The following CX3CL1 variants were observed in gnomAD, a reference collection of about 807,000 sequenced individuals.
The protein encoded by CX3CL1 is C-X3-C motif chemokine ligand 1, also known as fractalkine.
A neutral mutation model predicts 14.1 loss-of-function variants in CX3CL1; 1 was observed. That is an observed-to-expected ratio of 0.07 (90% CI 0.03 to 0.34). The LOEUF (loss-of-function observed/expected upper bound fraction) is 0.34. CX3CL1 is among the 10% of genes least tolerant of loss of function. The pLI, the probability that CX3CL1 is intolerant of heterozygous loss-of-function variation, is 0.99. For synonymous variants in CX3CL1, 255 were observed against 229.6 expected (o/e 1.11, Z -1.00); for missense variants, 505 against 536.4 (o/e 0.94, Z 0.58).
At chr16:57,377,114 A>C (rs1324468421) in intron 1 of CX3CL1, 2 of 152,362 alleles carry the variant, frequency 1.3e-5, no homozygotes, top group Non-Finnish European at 2.9e-5. Flanking sequence ...GGAGGTGGGC[A>C]ATGGCTTTTC....
At chr16:57,373,920 C>T (rs550009252) in intron 1 of CX3CL1, among the ~76,000 whole-genome samples, 33 of 151,864 alleles carry the variant, frequency 2.2e-4, no homozygotes, top group African/African-American at 6.8e-4. Flanking sequence ...TTGAAGAGGG[C>T]GGAGGAGGAG....
intron 1 of CX3CL1, chr16:57,378,505 C>G (rs1351757964): frequency 6.6e-6 from 1 of 151,324 alleles, no homozygotes; most frequent in African/African-American, 2.4e-5. Context: ...GTTCTGTCAC[C>G]CAGGCTTTAG....
In CX3CL1 at chr16:57,382,907, G is replaced by C. The variant is rs752305189; in HGVS notation, c.1069G>C (p.Val357Leu). The C allele has an allele frequency of 1.3e-6, 2 of 1,552,716 alleles. No individual in the cohort carries two copies. The highest frequency in any genetic ancestry group is 1.7e-6 in the Non-Finnish European group (2 of 1,147,186). ...AFLGLLFCLG[V>L]AMFTYQSLQG... ...CCTTGGCCTCCTCTTCTGCCTGGGG[G>C]TGGCCATGTTCACCTACCAGAGCCT... Residue 357 changes from valine (V) to leucine (L), a missense_variant, in exon 3 of 3, where the codon GTG becomes CTG. Coordinates refer to ENST00000006053, the MANE Select transcript of CX3CL1 (RefSeq NM_002996.6). The surrounding 1 kb of genome is among the most constrained non-coding windows in gnomAD (Gnocchi z 6.9).
chr16:57,374,661 T>C (rs749905629), intron 1 of CX3CL1, among the ~76,000 whole-genome samples: 12 of 152,198 alleles, frequency 7.9e-5, no homozygotes, highest in Non-Finnish European at 1.6e-4. Context: ...ATTCAACAAA[T>C]AGTTATTGGA....
At chr16:57,373,959 A>C (rs1222326993) in intron 1 of CX3CL1, among the ~76,000 whole-genome samples, 4 of 152,062 alleles carry the variant, frequency 2.6e-5, no homozygotes, top group Non-Finnish European at 4.4e-5. Context: ...GAGAGAGGGA[A>C]GGGTCCTAGG....
At chr16:57,376,401 C>T (rs1221355984) in intron 1 of CX3CL1, among the ~76,000 whole-genome samples, 1 of 151,976 alleles carries the variant, frequency 6.6e-6, no homozygotes, top group Non-Finnish European at 1.5e-5. Flanking sequence ...TTTGTATATA[C>T]TCAAAAGTAA....
At chr16:57,381,137 G>A (rs1387810592) in intron 2 of CX3CL1, among the ~76,000 whole-genome samples, 1 of 152,208 alleles carries the variant, frequency 6.6e-6, no homozygotes, top group Non-Finnish European at 1.5e-5. Flanking sequence ...GGAGCCAGAT[G>A]CCTTTACTTC....
intron 1 of CX3CL1, among the ~76,000 whole-genome samples, chr16:57,375,720 T>A (rs931433708): frequency 6.6e-6 from 1 of 152,170 alleles, no homozygotes; most frequent in East Asian, 1.9e-4. Flanking sequence ...ACCCAGGACA[T>A]TTCCTGAGTC....
chr16:57,379,856 T>C, intron 2 of CX3CL1, 102 bp downstream of exon 2: 1 of 1,429,608 alleles, frequency 7.0e-7, no homozygotes, highest in South Asian at 1.3e-5. Context: ...AGACCTGGGC[T>C]CCCAGCCAAA....
Position 57,382,183 on chromosome 16 carries a change from C to T in CX3CL1, c.345C>T (p.Thr115=). 1 of 1,613,594 alleles carries T rather than the reference C, an allele frequency of 6.2e-7. No homozygotes were observed. The highest frequency in any genetic ancestry group is 8.5e-7 in the Non-Finnish European group (1 of 1,179,866). ...TCGGCGAGGTGAAGCCCAGGACCAC[C>T]CCTGCCGCCGGGGGAATGGACGAGT... ...KQIGEVKPRT[T]PAAGGMDESV... The change falls in exon 3 of 3, where the codon ACC becomes ACT. Residue 115 remains threonine (T), a synonymous_variant. Coordinates refer to ENST00000006053, the MANE Select transcript of CX3CL1 (RefSeq NM_002996.6). This position sits in a 1 kb window ranked among gnomAD's most constrained non-coding sequence, Gnocchi z 6.9.
intron 2 of CX3CL1, among the ~76,000 whole-genome samples, chr16:57,380,840 C>T (rs1767726585): frequency 6.6e-6 from 1 of 152,158 alleles, no homozygotes; most frequent in Non-Finnish European, 1.5e-5. Context: ...GACCTAGAGG[C>T]CGGGCAGCAG....
intron 1 of CX3CL1, 151 bp from the exon 2 acceptor site, chr16:57,379,482 AG>A: frequency 2.6e-6 from 2 of 781,392 alleles, no homozygotes; most frequent in Non-Finnish European, 4.0e-6. Flanking sequence ...GAAGTTTGGC[AG>A]GGGAGGGAGG....
At chr16:57,372,904 G>A (rs1902198918) in intron 1 of CX3CL1, among the ~76,000 whole-genome samples, 1 of 152,214 alleles carries the variant, frequency 6.6e-6, no homozygotes, top group Non-Finnish European at 1.5e-5. Flanking sequence ...AGGTGGTGTG[G>A]GTGGCATAAG....
At chr16:57,380,298 C>T (rs1391969323) in intron 2 of CX3CL1, among the ~76,000 whole-genome samples, 2 of 152,192 alleles carry the variant, frequency 1.3e-5, no homozygotes, top group East Asian at 3.9e-4. Context: ...TGGCTAATGC[C>T]TGTAATACCA....
In CX3CL1 at chr16:57,382,050, G is replaced by A; in HGVS notation, c.212G>A (p.Arg71Lys). 6.3e-7 allele frequency: 1 copy of A among 1,594,482 alleles called. No homozygotes were observed. The highest frequency in any genetic ancestry group is 8.6e-7 in the Non-Finnish European group (1 of 1,165,794). ...RAIILETRQH[R>K]LFCADPKEQW... The stretch of plus-strand genomic sequence containing the variant: ...TGTAGCTTGGAGACGAGACAGCACA[G>A]GCTGTTCTGTGCCGACCCGAAGGAG... The change falls in exon 3 of 3, where the codon AGG (arginine) becomes AAG (lysine). Residue 71 changes from arginine (R) to lysine (K), a missense_variant. Arg to Lys is a conservative substitution (Grantham distance 26). Coordinates refer to ENST00000006053, the MANE Select transcript of CX3CL1 (RefSeq NM_002996.6). The surrounding 1 kb of genome is among the most constrained non-coding windows in gnomAD (Gnocchi z 6.9).
chr16:57,374,549 G>T (rs1365504287), intron 1 of CX3CL1, among the ~76,000 whole-genome samples: 4 of 152,180 alleles, frequency 2.6e-5, no homozygotes, highest in Non-Finnish European at 5.9e-5. Flanking sequence ...ATTCAAGAGT[G>T]TCAGATCCAG....
intron 1 of CX3CL1, among the ~76,000 whole-genome samples, chr16:57,375,395 T>A (rs1245675895): frequency 6.6e-6 from 1 of 152,156 alleles, no homozygotes; most frequent in African/African-American, 2.4e-5. Context: ...ATGTTTTTGG[T>A]TCAGTTGAGC....
chr16:57,377,818 CA>C (rs2146511158), intron 1 of CX3CL1: 1 of 152,262 alleles, frequency 6.6e-6, no homozygotes, highest in South Asian at 2.1e-4. Flanking sequence ...AACCTTGACT[CA>C]GATCTGAAAC....
At chr16:57,381,954 G>A (rs964326388) in intron 2 of CX3CL1, 76 bp from the exon 3 acceptor site, 307 of 1,460,310 alleles carry the variant, frequency 2.1e-4, no homozygotes, top group Non-Finnish European at 2.6e-4. Context: ...GAGTATTGGT[G>A]CTGTGCCCCC....
Sources: allele counts gnomAD v4.1 joint callset (sites outside exome capture counted in the v4.1 genomes callset), GRCh38; gene constraint gnomAD v4.1.1; non-coding constraint Gnocchi (gnomAD v3.1); transcripts MANE v1.5; gene names NCBI Gene and HGNC (gene_info 2026-07-23, HGNC 2026-07-21).